Variants in ASAP2 observed in about 807,000 individuals in gnomAD.
The protein encoded by ASAP2 is arf-GAP with SH3 domain, ANK repeat and PH domain-containing protein 2.
In ASAP2, 45 loss-of-function variants were observed where a neutral mutation model predicts 131.4. The observed-to-expected ratio is 0.34, with a 90% CI of 0.27 to 0.44. The LOEUF (loss-of-function observed/expected upper bound fraction) is 0.44. Ranked by LOEUF, ASAP2 falls within the 20% of genes least tolerant of loss-of-function variation. The pLI is 1.00. For missense variants in ASAP2, 1,011 were observed against 1,297.0 expected, an observed-to-expected ratio of 0.78 and a Z score of 3.39; for synonymous variants, 510 against 503.0, an observed-to-expected ratio of 1.01 and a Z score of -0.19.
At chr2:9,263,802 G>A (rs1297389228) in intron 1 of ASAP2, among the ~76,000 whole-genome samples, 2 of 152,168 alleles carry the variant, frequency 1.3e-5, no homozygotes, top group African/African-American at 4.8e-5. Context: ...AGGCACAGTT[G>A]ACGGCCGTCT....
At chr2:9,324,957 CT>C (rs548779231) in intron 6 of ASAP2, among the ~76,000 whole-genome samples, 20 of 152,074 alleles carry the variant, frequency 1.3e-4, no homozygotes, top group East Asian at 5.8e-4. Context: ...TGTTATTTTA[CT>C]TTTTTTTATG....
intron 6 of ASAP2, 77 bp from the exon 7 acceptor site, chr2:9,327,749 C>A: frequency 9.7e-7 from 1 of 1,035,912 alleles, no homozygotes; most frequent in Non-Finnish European, 1.4e-6. Context: ...TAGAAGAAAT[C>A]ATCTCAGTCC....
chr2:9,372,951 T>A (rs1023359229), intron 16 of ASAP2, among the ~76,000 whole-genome samples: 1 of 152,124 alleles, frequency 6.6e-6, no homozygotes, highest in African/African-American at 2.4e-5. Context: ...GGGAATTGAT[T>A]TTTTTCTTAA....
chr2:9,297,474 G>A (rs369109260), intron 3 of ASAP2, 29 bp downstream of exon 3: 139 of 1,611,136 alleles, frequency 8.6e-5, no homozygotes, highest in African/African-American at 3.2e-4. Context: ...GAAATGCTGC[G>A]GTTACTTCAG....
intron 11 of ASAP2, among the ~76,000 whole-genome samples, chr2:9,349,716 C>T (rs945769095): frequency 2.0e-5 from 3 of 152,222 alleles, no homozygotes; most frequent in Admixed American, 6.5e-5. Context: ...TCCAAACTTA[C>T]ATTTATTAAC....
At chr2:9,341,508 C>T (rs565006134) in intron 9 of ASAP2, among the ~76,000 whole-genome samples, 9 of 152,142 alleles carry the variant, frequency 5.9e-5, no homozygotes, top group Non-Finnish European at 1.2e-4. Context: ...TTATCCTGTT[C>T]GTGAGACCTG....
chr2:9,388,085 G>A (rs1414862208), intron 21 of ASAP2, among the ~76,000 whole-genome samples: 1 of 152,186 alleles, frequency 6.6e-6, no homozygotes, highest in Non-Finnish European at 1.5e-5. Context: ...ATATCAGTGT[G>A]TGTTTCCTTC....
rs753527243 is a variant in ASAP2, at chr2:9,275,082, G to GTTTTTTTTTT, written c.127-4228_127-4219dup. Among the ~76,000 whole-genome samples the GTTTTTTTTTT allele has an allele frequency of 3.9e-5, 5 of 128,836 alleles. No individual in the cohort carries two copies. The South Asian group carries it at 1.1e-3, about 27-fold the overall frequency. 84.5% of individuals were successfully genotyped at this position (128,836 alleles called of 152,430 possible). ...CCATGTTTTGTTTTTTCATTTGTCT[G>GTTTTTTTTTT]TTTTTTTTTTTTTTTTAAGAGACAG... On this transcript the variant is annotated intron_variant, in intron 1 of 27. Transcript: ENST00000281419.
At chr2:9,270,662 T>A (rs1666283567) in intron 1 of ASAP2, among the ~76,000 whole-genome samples, 1 of 151,982 alleles carries the variant, frequency 6.6e-6, no homozygotes, top group Non-Finnish European at 1.5e-5. Flanking sequence ...ATACTAGATC[T>A]TATTCATTCT....
At chr2:9,220,972 G>T (rs981325364) in intron 1 of ASAP2, among the ~76,000 whole-genome samples, 3 of 152,080 alleles carry the variant, frequency 2.0e-5, no homozygotes, top group African/African-American at 4.8e-5. Flanking sequence ...TGATATATGA[G>T]TTTATTTCTG....
At chr2:9,356,497 A>G in intron 14 of ASAP2, 152 bp downstream of exon 14, 2 of 966,628 alleles carry the variant, frequency 2.1e-6, no homozygotes, top group Non-Finnish European at 3.0e-6. Context: ...ATGCTTAATG[A>G]ACTGTGCAGA....
intron 1 of ASAP2, among the ~76,000 whole-genome samples, chr2:9,230,188 C>T (rs1346348488): frequency 6.6e-6 from 1 of 152,126 alleles, no homozygotes; most frequent in African/African-American, 2.4e-5. Context: ...AGCTGATTAC[C>T]ATATGGTGTG....
Position 9,403,272 on chromosome 2 carries a change from A to C in ASAP2, c.2966A>C (p.Asp989Ala), listed in dbSNP as rs1272104088. The change falls in exon 28 of 28, where the codon GAT (aspartate) becomes GCT (alanine). Residue 989 changes from aspartate (D) to alanine (A), a missense_variant. By Grantham distance (126) the Asp-to-Ala change is moderately radical. This residue lies in a region of ASAP2 where 652 missense variants were observed against 698.9 expected (regional missense o/e 0.93). Coordinates refer to ENST00000281419, the MANE Select transcript of ASAP2 (RefSeq NM_003887.3). ...TTTCAGATTGGCCACATTGATGGAG[A>C]TCCTGGTCGCAAAGGCGCATTCCCG... ...QEWWIGHIDG[D>A]PGRKGAFPVS... 1 of 1,614,126 alleles carries C rather than the reference A, an allele frequency of 6.2e-7. No individual in the cohort carries two copies. Among genetic ancestry groups the C allele is most frequent in the Admixed American group, 1.7e-5 (1 of 60,018 alleles).
At chr2:9,376,841 A>G in intron 17 of ASAP2, 67 bp from the exon 18 acceptor site, 1 of 1,385,700 alleles carries the variant, frequency 7.2e-7, no homozygotes, top group Non-Finnish European at 1.0e-6. Flanking sequence ...ACACGATTTC[A>G]CCGGTGTTGG....
chr2:9,335,237 G>A, intron 9 of ASAP2, 58 bp downstream of exon 9: 1 of 1,504,344 alleles, frequency 6.6e-7, no homozygotes, highest in Non-Finnish European at 9.2e-7. Flanking sequence ...GAGGCTTTGG[G>A]TCTGAAGAAC....
chr2:9,227,754 T>A (rs969246689), intron 1 of ASAP2, among the ~76,000 whole-genome samples: 3 of 152,238 alleles, frequency 2.0e-5, no homozygotes, highest in Non-Finnish European at 4.4e-5. Context: ...GGGTAAGGTA[T>A]TTGTGAGTAC....
rs372237689 is a variant in ASAP2, at chr2:9,297,280, C to T, written c.200-20C>T. 5.6e-6 allele frequency: 9 copies of T among 1,609,644 alleles called. No homozygotes were observed. In the African/African-American group the frequency reaches 1.1e-4, roughly 19 times the overall value. ...GGTGGCATGCCTGAGACTCACAGCACCTCCGTCATTCTGTTGCAGCTCACG... is the reference window on the plus strand; with the variant it reads ...GGTGGCATGCCTGAGACTCACAGCATCTCCGTCATTCTGTTGCAGCTCACG... On this transcript the variant is annotated intron_variant, in intron 2 of 27. Transcript: ENST00000281419.
intron 2 of ASAP2, among the ~76,000 whole-genome samples, chr2:9,293,782 C>G (rs905957856): frequency 6.6e-6 from 1 of 152,112 alleles, no homozygotes; most frequent in African/African-American, 2.4e-5. Flanking sequence ...AAAAATACAT[C>G]TAAAAATCCC....
intron 2 of ASAP2, among the ~76,000 whole-genome samples, chr2:9,284,959 A>C (rs1667373578): frequency 6.6e-6 from 1 of 152,222 alleles, no homozygotes; most frequent in African/African-American, 2.4e-5. Flanking sequence ...GTGTTTTCAC[A>C]GCCTGAAAGC....
Sources: gnomAD v4.1 joint callset for allele counts (sites outside exome capture counted in the v4.1 genomes callset) on GRCh38, gnomAD v4.1.1 for gene constraint, gnomAD v4.1.1 regional missense constraint, MANE v1.5 for transcripts, NCBI Gene and HGNC (gene_info 2026-07-23, HGNC 2026-07-21) for gene names.